AKAP19: variants seen among roughly 807,000 people sequenced by gnomAD.
AKAP19 encodes small A-kinase anchoring protein.
chr2:189,983,120 G>A, the AKAP19 span, among the ~76,000 whole-genome samples: 15 of 152,076 alleles, frequency 9.9e-5, no homozygotes, highest in Admixed American at 3.9e-4. Flanking sequence ...AAGGGGTGAG[G>A]GTGCACAGTT....
chr2:190,111,406 C>T, the AKAP19 span, among the ~76,000 whole-genome samples: 3 of 151,962 alleles, frequency 2.0e-5, no homozygotes, highest in African/African-American at 7.3e-5. Flanking sequence ...CTTAGAGTGC[C>T]CAGTGTCCAT....
At chr2:189,964,556 A>C in the AKAP19 span, among the ~76,000 whole-genome samples, 1 of 152,206 alleles carries the variant, frequency 6.6e-6, no homozygotes, top group Non-Finnish European at 1.5e-5. Flanking sequence ...GTTGATATTG[A>C]AAATCTGTTG....
chr2:189,901,269 G>A, the AKAP19 span, among the ~76,000 whole-genome samples: 2 of 151,656 alleles, frequency 1.3e-5, no homozygotes, highest in African/African-American at 4.9e-5. Flanking sequence ...TTTTGCTCTT[G>A]GTGTCCTTCC....
chr2:189,984,976 A>C, the AKAP19 span, among the ~76,000 whole-genome samples: 1 of 152,062 alleles, frequency 6.6e-6, no homozygotes, highest in Non-Finnish European at 1.5e-5. Flanking sequence ...ACACCTATGC[A>C]AGCTGGCCAC....
the AKAP19 span, among the ~76,000 whole-genome samples, chr2:190,119,846 G>A: frequency 6.6e-6 from 1 of 152,110 alleles, no homozygotes; most frequent in African/African-American, 2.4e-5. Flanking sequence ...AATGAAAAGT[G>A]GTAATGCTGG....
At chr2:190,168,190 TG>T in the AKAP19 span, among the ~76,000 whole-genome samples, 4 of 152,220 alleles carry the variant, frequency 2.6e-5, no homozygotes, top group East Asian at 7.7e-4. Context: ...TGCCAAGGCT[TG>T]GGGCTTCCAC....
chr2:189,997,008 A>G, the AKAP19 span, among the ~76,000 whole-genome samples: 2 of 152,182 alleles, frequency 1.3e-5, no homozygotes, highest in African/African-American at 4.8e-5. Flanking sequence ...AAGAGGAGTG[A>G]AGTAGACGGC....
chr2:190,060,337 T>C, the AKAP19 span: 1 of 1,612,718 alleles, frequency 6.2e-7, no homozygotes, highest in Non-Finnish European at 8.5e-7. Context: ...CTCAAATATA[T>C]CCATAGTTGG....
chr2:189,889,285 G>A, the AKAP19 span, among the ~76,000 whole-genome samples: 6 of 152,106 alleles, frequency 3.9e-5, no homozygotes, highest in Non-Finnish European at 7.4e-5. Context: ...TGATGAAGCC[G>A]ACTTGATCGT....
At chr2:189,887,869 T>A in the AKAP19 span, among the ~76,000 whole-genome samples, 2 of 152,220 alleles carry the variant, frequency 1.3e-5, no homozygotes, top group Non-Finnish European at 2.9e-5. Context: ...CTTTCTCAGA[T>A]GGATAGATTG....
the AKAP19 span, among the ~76,000 whole-genome samples, chr2:190,124,857 T>A: frequency 1.3e-5 from 2 of 152,176 alleles, no homozygotes; most frequent in African/African-American, 4.8e-5. Context: ...ATAAACTTTT[T>A]TCTATTTTTT....
the AKAP19 span, among the ~76,000 whole-genome samples, chr2:189,984,057 C>T: frequency 9.9e-5 from 15 of 152,084 alleles, no homozygotes; most frequent in Admixed American, 5.9e-4. Context: ...GGAGGCAGGA[C>T]GAGATCACAG....
At chr2:189,987,700 C>A in the AKAP19 span, among the ~76,000 whole-genome samples, 2 of 152,168 alleles carry the variant, frequency 1.3e-5, no homozygotes, top group South Asian at 4.1e-4. Flanking sequence ...CCAGATGTAA[C>A]CAAGAAATCC....
At chr2:189,930,662 A>G in the AKAP19 span, 48 of 339,764 alleles carry the variant, frequency 1.4e-4, 1 homozygote, top group Middle Eastern at 1.9e-3. Context: ...GGTGACAAGA[A>G]GGAAACTCCC....
At chr2:189,984,624 G>A in the AKAP19 span, among the ~76,000 whole-genome samples, 1 of 151,786 alleles carries the variant, frequency 6.6e-6, no homozygotes, top group Non-Finnish European at 1.5e-5. Flanking sequence ...GTAAAGACAG[G>A]CATAGGAAAT....
At chr2:189,960,242 G>A in the AKAP19 span, among the ~76,000 whole-genome samples, 3 of 152,114 alleles carry the variant, frequency 2.0e-5, no homozygotes, top group East Asian at 3.8e-4. Context: ...TCCTTATAAG[G>A]TTTCTGAGGG....
the AKAP19 span, among the ~76,000 whole-genome samples, chr2:189,885,268 C>T: frequency 6.6e-6 from 1 of 152,158 alleles, no homozygotes; most frequent in African/African-American, 2.4e-5. Flanking sequence ...TGCAGCCTTC[C>T]TGGCTATCTT....
chr2:189,955,968 GT>G, the AKAP19 span, among the ~76,000 whole-genome samples: 1 of 151,970 alleles, frequency 6.6e-6, no homozygotes, highest in East Asian at 1.9e-4. Context: ...TTTTTTCTGG[GT>G]TTTTTTGCCT....
the AKAP19 span, among the ~76,000 whole-genome samples, chr2:190,144,238 G>C: frequency 7.7e-6 from 1 of 129,518 alleles, no homozygotes; most frequent in Non-Finnish European, 1.7e-5. Context: ...TTAACAAAAA[G>C]GCTCTAACAG....
Sources: allele counts gnomAD v4.1 joint callset (sites outside exome capture counted in the v4.1 genomes callset), GRCh38; gene constraint gnomAD v4.1.1; transcripts MANE v1.5; gene names NCBI Gene and HGNC (gene_info 2026-07-23, HGNC 2026-07-21).